Variants in TMEM52B observed in about 807,000 individuals in gnomAD.
TMEM52B encodes chromosome 12 open reading frame 59.
In TMEM52B, 11 loss-of-function variants were observed where a neutral mutation model predicts 16.1. That is an observed-to-expected ratio of 0.68 (90% CI 0.43 to 1.13). The LOEUF (loss-of-function observed/expected upper bound fraction) is 1.13. Among genes scored for constraint, TMEM52B ranks in the 50% most tolerant of loss-of-function variants. The probability of loss-of-function intolerance (pLI) is 0.00; values close to 1 mark genes in which losing one functional copy is unlikely to be tolerated. For synonymous variants in TMEM52B, 101 were observed against 93.8 expected (o/e 1.08, Z -0.45); for missense variants, 243 against 230.4 (o/e 1.05, Z -0.35).
In TMEM52B at chr12:10,189,993, C is replaced by G; in HGVS notation, c.405C>G (p.Leu135=). 6.2e-7 allele frequency: 1 copy of G among 1,614,168 alleles called. No homozygotes were observed. Among genetic ancestry groups the G allele is most frequent in the Non-Finnish European group, 8.5e-7 (1 of 1,180,026 alleles). Residue 135 remains leucine (L), a synonymous_variant, in exon 5 of 5, where the codon CTC becomes CTG. Transcript: ENST00000543484. ...LGQLPSSLDT[L]PGYEEALHMS... is the part of the protein sequence containing the mutation. Reference sequence around the variant, plus strand: ...AGCTGCCCTCCTCTTTGGACACCCTCCCAGGGTATGAAGAAGCTCTTCACA... The same window carrying G: ...AGCTGCCCTCCTCTTTGGACACCCTGCCAGGGTATGAAGAAGCTCTTCACA...
In TMEM52B at chr12:10,189,946, C is replaced by T; in HGVS notation, c.358C>T (p.His120Tyr). The T allele has an allele frequency of 6.2e-7, 1 of 1,614,132 alleles. No homozygotes were observed. The highest frequency in any genetic ancestry group is 8.5e-7 in the Non-Finnish European group (1 of 1,180,034). ...PAARRILAVA[H>Y]SHSSLGQLPS... ...AGCTCGGAGGATCCTGGCTGTGGCT[C>T]ACTCCCACAGCTCCCTGGGCCAGCT... Residue 120 changes from histidine (H) to tyrosine (Y), a missense_variant, in exon 5 of 5, where the codon CAC becomes TAC. By Grantham distance (83) the His-to-Tyr change is moderately conservative. Coordinates refer to ENST00000543484, the MANE Select transcript of TMEM52B (RefSeq NM_001384896.1).
chr12:10,184,876 G>T (rs1180927163), intron 2 of TMEM52B, among the ~76,000 whole-genome samples: 2 of 151,704 alleles, frequency 1.3e-5, no homozygotes, highest in East Asian at 3.9e-4. Context: ...ACCACGGCCG[G>T]CTAATTTTTG....
intron 2 of TMEM52B, among the ~76,000 whole-genome samples, chr12:10,184,987 C>T (rs1049552902): frequency 7.2e-5 from 11 of 152,182 alleles, no homozygotes; most frequent in African/African-American, 2.4e-4. Context: ...GCTGGGATTA[C>T]AGGCATGAGG....
intron 4 of TMEM52B, among the ~76,000 whole-genome samples, chr12:10,187,828 G>C (rs1369908913): frequency 6.6e-6 from 1 of 152,190 alleles, no homozygotes; most frequent in Non-Finnish European, 1.5e-5. Context: ...GCTGGGCGCA[G>C]TGGCTCATGC....
intron 1 of TMEM52B, among the ~76,000 whole-genome samples, chr12:10,172,668 T>G (rs770085907): frequency 6.6e-6 from 1 of 152,222 alleles, no homozygotes; most frequent in Non-Finnish European, 1.5e-5. Context: ...GGGCTACTAG[T>G]TCATGCAGTG....
At position 10,189,941 on chromosome 12, in the gene TMEM52B, T is replaced by C. The variant is rs1221143665; in HGVS notation, c.353T>C (p.Val118Ala). ...FGPAARRILA[V>A]AHSHSSLGQL... is the part of the protein sequence containing the mutation. ...CCTGCAGCTCGGAGGATCCTGGCTG[T>C]GGCTCACTCCCACAGCTCCCTGGGC... Residue 118 changes from valine (V) to alanine (A), a missense_variant, in exon 5 of 5, where the codon GTG becomes GCG. Physicochemically the swap from Val to Ala is moderately conservative, Grantham distance 64 (BLOSUM62 0). Transcript: ENST00000543484. The C allele has an allele frequency of 5.6e-6, 9 of 1,614,042 alleles. No homozygotes were observed. In the Admixed American group the frequency reaches 8.3e-5, roughly 15 times the overall value.
Position 10,190,208 on chromosome 12 carries a change from C to A in TMEM52B, c.*68C>A, listed in dbSNP as rs1360079864. 5.5e-6 allele frequency: 7 copies of A among 1,274,484 alleles called. No homozygotes were observed. The South Asian group carries it at 1.5e-4, about 27-fold the overall frequency. 78.9% of individuals were successfully genotyped at this position (1,274,484 alleles called of 1,614,324 possible). ...AGTCTGTGGGAAAATGGAACACATA[C>A]TTTTCTAACCCTCAGAAGTTTTAAG... is the stretch of plus-strand genomic sequence containing the variant. On this transcript the variant is annotated 3_prime_UTR_variant, in exon 5 of 5. Transcript: ENST00000543484.
At chr12:10,178,223 G>C (rs1243953390), upstream of TMEM52B, among the ~76,000 whole-genome samples, 2 of 149,392 alleles carry the variant, frequency 1.3e-5, no homozygotes, top group Non-Finnish European at 3.0e-5. Flanking sequence ...TTGTTTCATT[G>C]TAAGTATTCT....
chr12:10,186,475 T>C lies in TMEM52B; in HGVS notation c.193T>C (p.Phe65Leu). Residue 65 changes from phenylalanine to leucine, a missense_variant, in exon 4 of 5, where the codon TTC (phenylalanine) becomes CTC (leucine). Coordinates refer to ENST00000543484, the MANE Select transcript of TMEM52B (RefSeq NM_001384896.1). ...CCTGTGTGGCCTGACGTCCCTGTGC[T>C]TCCGCTGCTGCTGTCTGAGCCGCCA... ...LLLCGLTSLCFRCCCLSRQQN... is the reference protein window; with the variant it reads ...LLLCGLTSLCLRCCCLSRQQN... The C allele has an allele frequency of 6.2e-7, 1 of 1,612,680 alleles. No homozygotes were observed. The highest frequency in any genetic ancestry group is 8.5e-7 in the Non-Finnish European group (1 of 1,178,832).
chr12:10,184,154 T>C (rs1395030137), intron 2 of TMEM52B, among the ~76,000 whole-genome samples: 1 of 152,212 alleles, frequency 6.6e-6, no homozygotes, highest in Non-Finnish European at 1.5e-5. Context: ...AGAGTTTCTG[T>C]AAAGCTGAAC....
intron 2 of TMEM52B, among the ~76,000 whole-genome samples, chr12:10,183,825 A>G (rs1344937286): frequency 6.6e-6 from 1 of 151,882 alleles, no homozygotes; most frequent in Non-Finnish European, 1.5e-5. Context: ...AAATTAGGGT[A>G]CTCTTTACGG....
At chr12:10,182,041 CA>C (rs34826487) in intron 1 of TMEM52B, 417 of 371,646 alleles carry the variant, frequency 1.1e-3, no homozygotes, top group African/African-American at 1.2e-3. Flanking sequence ...AAAAAAAAAA[CA>C]AAAAAAAAAA....
chr12:10,176,987 T>C (rs990425553), upstream of TMEM52B, among the ~76,000 whole-genome samples: 3 of 152,238 alleles, frequency 2.0e-5, no homozygotes, highest in African/African-American at 7.2e-5. Context: ...AGGGCACTCA[T>C]GATAGAAATA....
intron 2 of TMEM52B, among the ~76,000 whole-genome samples, chr12:10,183,934 A>C (rs1591990570): frequency 6.6e-6 from 1 of 152,316 alleles, no homozygotes; most frequent in East Asian, 1.9e-4. Flanking sequence ...TTTGCATGCT[A>C]ATGAGTTGAT....
At chr12:10,189,846 G>T (rs764222171) in intron 4 of TMEM52B, 50 bp from the exon 5 acceptor site, 1 of 1,602,056 alleles carries the variant, frequency 6.2e-7, no homozygotes, top group Admixed American at 1.7e-5. Context: ...GCTGTCTGAG[G>T]GTGTCCTGTT....
rs550537150 is a variant in TMEM52B at position 10,190,035 on chromosome 12, A to G, written c.447A>G (p.Val149=). Residue 149 remains valine (V), a synonymous_variant, in exon 5 of 5, where the codon GTA becomes GTG. Transcript: ENST00000543484. ...EEALHMSRFT[V]AMCGQKAPDL... is the part of the protein sequence containing the mutation. ...CTCTTCACATGAGTCGCTTCACAGTAGCCATGTGCGGGCAGAAAGCACCTG... is the reference window on the plus strand; with the variant it reads ...CTCTTCACATGAGTCGCTTCACAGTGGCCATGTGCGGGCAGAAAGCACCTG... 6.2e-7 allele frequency: 1 copy of G among 1,614,078 alleles called. No homozygotes were observed. Among genetic ancestry groups the G allele is most frequent in the Non-Finnish European group, 8.5e-7 (1 of 1,180,004 alleles).
In TMEM52B at chr12:10,189,819, G is replaced by A; in HGVS notation, c.308-77G>A. 4 of 1,556,630 alleles carry A rather than the reference G, an allele frequency of 2.6e-6. No individual in the cohort carries two copies. In the South Asian group the frequency reaches 4.7e-5, roughly 18 times the overall value. On this transcript the variant is annotated intron_variant, in intron 4 of 4. Transcript: ENST00000543484. ...TTGTAAAAAATGAAGCGACAGTTAAGTGTGAAGTAAGTCTCTGCTGTCTGA... is the reference window on the plus strand; with the variant it reads ...TTGTAAAAAATGAAGCGACAGTTAAATGTGAAGTAAGTCTCTGCTGTCTGA...
intron 1 of TMEM52B, among the ~76,000 whole-genome samples, chr12:10,181,486 C>T (rs893318297): frequency 4.0e-5 from 6 of 151,610 alleles, no homozygotes; most frequent in Non-Finnish European, 4.4e-5. Flanking sequence ...CACATCACCA[C>T]GCCGGGCTAA....
intron 4 of TMEM52B, among the ~76,000 whole-genome samples, chr12:10,188,288 C>T (rs955206857): frequency 2.0e-5 from 3 of 151,788 alleles, no homozygotes; most frequent in African/African-American, 4.8e-5. Context: ...GGTGAAACCC[C>T]GTCCCTATTA....
Sources: gnomAD v4.1 joint callset for allele counts (sites outside exome capture counted in the v4.1 genomes callset) on GRCh38, gnomAD v4.1.1 for gene constraint, MANE v1.5 for transcripts, NCBI Gene and HGNC (gene_info 2026-07-23, HGNC 2026-07-21) for gene names.